Variants in DAB1 observed in about 807,000 individuals in gnomAD.
The protein encoded by DAB1 is DAB adaptor protein 1.
A neutral mutation model predicts 64.6 loss-of-function variants in DAB1; 15 were observed. The observed-to-expected ratio is 0.23, with a 90% confidence interval of 0.16 to 0.36. The LOEUF (loss-of-function observed/expected upper bound fraction) is 0.36, where lower values mean the gene tolerates loss of function less well. DAB1 is among the 10% of genes least tolerant of loss of function. The pLI is 1.00. For missense variants in DAB1, 596 were observed against 706.7 expected (o/e 0.84, Z 1.78); for synonymous variants, 235 against 251.9 (o/e 0.93, Z 0.64).
intron 5 of DAB1, among the ~76,000 whole-genome samples, chr1:57,916,646 G>T (rs1442904615): frequency 3.3e-5 from 5 of 152,212 alleles, no homozygotes; most frequent in Non-Finnish European, 5.9e-5. Context: ...TAGGTTAAAA[G>T]GGTTAAGTAG....
chr1:57,506,792 C>T (rs1316738288), intron 7 of DAB1, among the ~76,000 whole-genome samples: 1 of 152,178 alleles, frequency 6.6e-6, no homozygotes, highest in Non-Finnish European at 1.5e-5. Flanking sequence ...TGTAGTTATC[C>T]CTGTGGGAAA....
At chr1:57,399,579 C>T (rs1180135060) in intron 1 of DAB1, among the ~76,000 whole-genome samples, 1 of 152,176 alleles carries the variant, frequency 6.6e-6, no homozygotes, top group African/African-American at 2.4e-5. Flanking sequence ...AAATGCCTCT[C>T]ATCAGCTCAC....
intron 7 of DAB1, among the ~76,000 whole-genome samples, chr1:57,522,658 G>C (rs1644542624): frequency 6.6e-6 from 1 of 152,192 alleles, no homozygotes; most frequent in Non-Finnish European, 1.5e-5. Context: ...GAATCAACTT[G>C]ATTGGATTGA....
At chr1:58,111,097 G>A (rs915231616) in intron 5 of DAB1, among the ~76,000 whole-genome samples, 27 of 152,190 alleles carry the variant, frequency 1.8e-4, no homozygotes, top group Non-Finnish European at 1.8e-4. Context: ...GTTATTTGTA[G>A]TCAAGACCAT....
At chr1:57,233,689 G>A (rs1040553615) in intron 2 of DAB1, among the ~76,000 whole-genome samples, 1 of 151,538 alleles carries the variant, frequency 6.6e-6, no homozygotes, top group African/African-American at 2.4e-5. Flanking sequence ...AACCTGGGAG[G>A]CGGAAGTTTC....
At chr1:58,222,346 T>C (rs184763354) in intron 4 of DAB1, among the ~76,000 whole-genome samples, 120 of 152,298 alleles carry the variant, frequency 7.9e-4, no homozygotes, top group African/African-American at 2.6e-3. Context: ...GTTAAGAACT[T>C]GTGCTTAAAA....
intron 6 of DAB1, among the ~76,000 whole-genome samples, chr1:57,796,029 C>T (rs1289712392): frequency 6.6e-6 from 1 of 151,836 alleles, no homozygotes; most frequent in East Asian, 1.9e-4. Context: ...GTAAATTTAA[C>T]TCACTCTAGA....
intron 1 of DAB1, among the ~76,000 whole-genome samples, chr1:57,879,225 T>A (rs1644103604): frequency 6.6e-6 from 1 of 152,176 alleles, no homozygotes; most frequent in African/African-American, 2.4e-5. Flanking sequence ...TTGGGCCATA[T>A]AACTGAATTC....
At chr1:57,798,547 G>A (rs1388397778) in intron 6 of DAB1, among the ~76,000 whole-genome samples, 1 of 152,226 alleles carries the variant, frequency 6.6e-6, no homozygotes, top group Non-Finnish European at 1.5e-5. Flanking sequence ...CTTGTTAAAG[G>A]AAGTTGGCCA....
At chr1:57,636,900 G>A (rs1455436964) in intron 7 of DAB1, among the ~76,000 whole-genome samples, 1 of 152,028 alleles carries the variant, frequency 6.6e-6, no homozygotes. Flanking sequence ...AAATATGGAT[G>A]GATAATATAA....
At chr1:57,392,232 G>T (rs956424169) in intron 1 of DAB1, among the ~76,000 whole-genome samples, 3 of 152,098 alleles carry the variant, frequency 2.0e-5, no homozygotes, top group Admixed American at 1.3e-4. Flanking sequence ...AATCAACCAG[G>T]CATGGTGGCA....
chr1:57,441,942 A>G (rs2101135330), intron 7 of DAB1, among the ~76,000 whole-genome samples: 1 of 152,326 alleles, frequency 6.6e-6, no homozygotes, highest in Middle Eastern at 3.4e-3. Flanking sequence ...CCTTGCCAGC[A>G]TCTGTTATTG....
chr1:58,165,157 C>T (rs1050520302), intron 4 of DAB1, among the ~76,000 whole-genome samples: 1 of 152,148 alleles, frequency 6.6e-6, no homozygotes, highest in African/African-American at 2.4e-5. Context: ...CCACATTAAT[C>T]GCCACATTCA....
chr1:58,530,567 C>T, intron 1 of DAB1: 3 of 856,520 alleles, frequency 3.5e-6, no homozygotes, highest in Non-Finnish European at 6.1e-6. Flanking sequence ...TCACCAGAGG[C>T]TATGATCAAT....
intron 9 of DAB1, among the ~76,000 whole-genome samples, chr1:57,061,111 C>T (rs1650339423): frequency 6.6e-6 from 1 of 151,624 alleles, no homozygotes; most frequent in Non-Finnish European, 1.5e-5. Context: ...TGCTGTTTCC[C>T]TGAACAGTAC....
At chr1:57,669,022 C>G (rs1646479912) in intron 6 of DAB1, among the ~76,000 whole-genome samples, 1 of 152,068 alleles carries the variant, frequency 6.6e-6, no homozygotes, top group South Asian at 2.1e-4. Context: ...TTTATGATTG[C>G]ATTGCTTCTG....
At chr1:57,213,822 C>A (rs1184589890) in intron 2 of DAB1, among the ~76,000 whole-genome samples, 1 of 152,144 alleles carries the variant, frequency 6.6e-6, no homozygotes, top group African/African-American at 2.4e-5. Context: ...TTTCTTGTCC[C>A]AATCTCTTCC....
chr1:57,217,720 A>G, intron 2 of DAB1, among the ~76,000 whole-genome samples: 1 of 152,148 alleles, frequency 6.6e-6, no homozygotes, highest in East Asian at 1.9e-4. Context: ...ACCCTAATTC[A>G]TAGTTCTGAT....
At chr1:57,103,516 G>A (rs925856771) in intron 4 of DAB1, among the ~76,000 whole-genome samples, 1 of 152,140 alleles carries the variant, frequency 6.6e-6, no homozygotes, top group Non-Finnish European at 1.5e-5. Flanking sequence ...AAAGTACCTA[G>A]AGCAGATCCC....
Sources: allele counts gnomAD v4.1 joint callset (sites outside exome capture counted in the v4.1 genomes callset), GRCh38; gene constraint gnomAD v4.1.1; transcripts MANE v1.5; gene names NCBI Gene and HGNC (gene_info 2026-07-23, HGNC 2026-07-21).